SNX24: variants seen among roughly 807,000 people sequenced by gnomAD.
SNX24 encodes sorting nexin-24.
In SNX24, 22 loss-of-function variants were observed where a neutral mutation model predicts 28.7. That is an observed-to-expected ratio of 0.77 (90% CI 0.55 to 1.10). The LOEUF is 1.10. Ranked by LOEUF, SNX24 falls within the 50% of genes least tolerant of loss-of-function variation. The pLI is 0.00. For missense variants in SNX24, 221 were observed against 201.1 expected (o/e 1.10, Z -0.60); for synonymous variants, 69 against 71.5 (o/e 0.96, Z 0.18).
chr5:122,863,194 G>A (rs997240859), intron 1 of SNX24, among the ~76,000 whole-genome samples: 1 of 152,158 alleles, frequency 6.6e-6, no homozygotes, highest in Middle Eastern at 3.2e-3. Flanking sequence ...GGTAAAGAGT[G>A]CTGGGGGATC....
chr5:122,962,037 G>C (rs1760508318), intron 3 of SNX24, among the ~76,000 whole-genome samples: 1 of 152,192 alleles, frequency 6.6e-6, no homozygotes, highest in Non-Finnish European at 1.5e-5. Flanking sequence ...GTGCTAAGCT[G>C]AAAACTCTTT....
intron 5 of SNX24, chr5:123,029,008 T>G (rs1762904428): frequency 1.2e-6 from 1 of 862,664 alleles, no homozygotes; most frequent in South Asian, 1.8e-5. Context: ...TATGGTTTAC[T>G]GAGAGAAATT....
intron 2 of SNX24, among the ~76,000 whole-genome samples, chr5:122,938,223 C>G (rs979718698): frequency 2.0e-5 from 3 of 152,180 alleles, no homozygotes; most frequent in African/African-American, 4.8e-5. Context: ...CTTGTTCACC[C>G]TGTTCTCTGC....
intron 1 of SNX24, among the ~76,000 whole-genome samples, chr5:122,919,517 T>C (rs1168538634): frequency 6.6e-6 from 1 of 151,986 alleles, no homozygotes; most frequent in Non-Finnish European, 1.5e-5. Context: ...TAGTAGCTTC[T>C]GTAGTAGTTG....
chr5:123,017,291 C>T (rs1161805897), intron 5 of SNX24, among the ~76,000 whole-genome samples: 1 of 152,110 alleles, frequency 6.6e-6, no homozygotes, highest in African/African-American at 2.4e-5. Context: ...TCCTTCTCAC[C>T]TCTTAGGTCA....
At position 123,007,956 on chromosome 5, in the gene SNX24, T is replaced by C; in HGVS notation, c.*207T>C. The C allele has an allele frequency of 1.5e-6, 2 of 1,313,660 alleles. No homozygotes were observed. The highest frequency in any genetic ancestry group is 1.9e-6 in the Non-Finnish European group (2 of 1,027,874). The allele number at this position is 1,313,660 out of a possible 1,614,324, so 81.4% of individuals were successfully genotyped here. A position where few individuals can be genotyped will look rare whatever the true frequency, so the allele number is the denominator to read the frequency against. ...AACTGAACCGGGGCGGTGGTCAGGC[T>C]AAGGCCAAGTGTTTAAGAAGTAGAG... On this transcript the variant is annotated 3_prime_UTR_variant, in exon 7 of 7. Transcript: ENST00000261369.
At chr5:122,950,002 A>G (rs1338714097) in intron 3 of SNX24, among the ~76,000 whole-genome samples, 2 of 152,300 alleles carry the variant, frequency 1.3e-5, no homozygotes, top group East Asian at 3.9e-4. Context: ...TAAGAAATCA[A>G]TTAACTATTA....
At chr5:122,894,396 A>G (rs990142448) in intron 1 of SNX24, among the ~76,000 whole-genome samples, 8 of 151,970 alleles carry the variant, frequency 5.3e-5, no homozygotes, top group African/African-American at 1.4e-4. Flanking sequence ...ATAATGTCAT[A>G]TTATATATAA....
chr5:122,893,144 C>G (rs1176571456), intron 1 of SNX24, among the ~76,000 whole-genome samples: 1 of 150,362 alleles, frequency 6.7e-6, no homozygotes, highest in Admixed American at 6.6e-5. Context: ...TCTTGTATTT[C>G]TATAGACCCA....
At chr5:122,988,950 G>A (rs1431972263) in intron 3 of SNX24, among the ~76,000 whole-genome samples, 1 of 152,052 alleles carries the variant, frequency 6.6e-6, no homozygotes, top group African/African-American at 2.4e-5. Flanking sequence ...ATTAAAAATA[G>A]CATATCAACG....
intron 5 of SNX24, among the ~76,000 whole-genome samples, chr5:123,014,654 C>T (rs953513767): frequency 2.0e-5 from 3 of 152,108 alleles, no homozygotes; most frequent in African/African-American, 7.2e-5. Context: ...AGTCCATTCT[C>T]GACACAAAAA....
chr5:122,955,661 T>C (rs1393687507), intron 3 of SNX24, among the ~76,000 whole-genome samples: 2 of 152,170 alleles, frequency 1.3e-5, no homozygotes, highest in African/African-American at 4.8e-5. Context: ...CTCATTACCA[T>C]TAAGATGTAG....
intron 2 of SNX24, among the ~76,000 whole-genome samples, chr5:122,939,313 A>T (rs962332556): frequency 6.6e-6 from 1 of 152,200 alleles, no homozygotes; most frequent in Non-Finnish European, 1.5e-5. Flanking sequence ...GCAAGCATGT[A>T]TGTTGCCTTG....
intron 1 of SNX24, among the ~76,000 whole-genome samples, chr5:122,859,723 A>C (rs544160919): frequency 6.6e-6 from 1 of 152,330 alleles, no homozygotes; most frequent in Middle Eastern, 3.4e-3. Context: ...GGAAGTCTTG[A>C]GAACATGTGT....
rs772641987 is a variant in SNX24 at position 123,001,437 on chromosome 5, G to C, written c.377G>C (p.Ser126Thr). Residue 126 changes from serine (S) to threonine (T), a missense_variant and splice_region_variant, in exon 5 of 7, where the codon AGC (serine) becomes ACC (threonine). Physicochemically the swap from Ser to Thr is moderately conservative, Grantham distance 58. Coordinates refer to ENST00000261369, the MANE Select transcript of SNX24 (RefSeq NM_014035.4). ...GATGAAACAGAGTCTGAAGAGTCAA[G>C]GTAAGGACTAATCCTCATCAGCCAG... ...SFDETESEES[S>T]KLSHQPVLLF... 9 of 1,600,834 alleles carry C rather than the reference G, an allele frequency of 5.6e-6. No homozygotes were observed. Among genetic ancestry groups the C allele is most frequent in the Middle Eastern group, 1.7e-4 (1 of 6,044 alleles).
chr5:123,019,043 T>C (rs943102475), intron 5 of SNX24, among the ~76,000 whole-genome samples: 1 of 152,182 alleles, frequency 6.6e-6, no homozygotes, highest in Non-Finnish European at 1.5e-5. Flanking sequence ...GGTCTTTTTT[T>C]CTGACTTGAT....
At chr5:122,867,445 C>T (rs902144939) in intron 1 of SNX24, among the ~76,000 whole-genome samples, 2 of 152,162 alleles carry the variant, frequency 1.3e-5, no homozygotes, top group Non-Finnish European at 2.9e-5. Context: ...AACCTGCTGT[C>T]AGGTGTCTGG....
At chr5:123,029,029 T>C in intron 5 of SNX24, 1 of 830,316 alleles carries the variant, frequency 1.2e-6, no homozygotes, top group Non-Finnish European at 1.8e-6. Context: ...TATCATTAGC[T>C]GACCAAAAAA....
intron 1 of SNX24, among the ~76,000 whole-genome samples, chr5:122,871,301 G>T (rs887180094): frequency 4.6e-5 from 7 of 152,168 alleles, no homozygotes; most frequent in Admixed American, 3.3e-4. Context: ...TTGTAGCTAA[G>T]CCTGCAGATT....
Sources: allele counts gnomAD v4.1 joint callset (sites outside exome capture counted in the v4.1 genomes callset), GRCh38; gene constraint gnomAD v4.1.1; transcripts MANE v1.5; gene names NCBI Gene and HGNC (gene_info 2026-07-23, HGNC 2026-07-21).